Variants in PLEKHH2 observed in about 807,000 individuals in gnomAD.
PLEKHH2 encodes pleckstrin homology domain-containing family H member 2.
A neutral mutation model predicts 187.9 loss-of-function variants in PLEKHH2; 129 were observed. The observed-to-expected ratio is 0.69, with a 90% CI of 0.59 to 0.79. The LOEUF is 0.79. Ranked by LOEUF, PLEKHH2 falls within the 30% of genes least tolerant of loss-of-function variation. The probability of loss-of-function intolerance (pLI) is 0.00; values close to 1 mark genes in which losing one functional copy is unlikely to be tolerated. For missense variants in PLEKHH2, 2,076 were observed against 1,751.2 expected (o/e 1.19, Z -3.31); for synonymous variants, 686 against 605.6 (o/e 1.13, Z -1.95).
chr2:43,691,394 T>C (rs1435600600), intron 3 of PLEKHH2, among the ~76,000 whole-genome samples: 1 of 152,102 alleles, frequency 6.6e-6, no homozygotes, highest in African/African-American at 2.4e-5. Flanking sequence ...GATTGGCTTG[T>C]GAGTAAGCAA....
intron 27 of PLEKHH2, among the ~76,000 whole-genome samples, chr2:43,760,057 T>A (rs1021954389): frequency 6.6e-6 from 1 of 152,202 alleles, no homozygotes; most frequent in African/African-American, 2.4e-5. Context: ...ATTAATGTAC[T>A]TACGGGAAGT....
intron 24 of PLEKHH2, among the ~76,000 whole-genome samples, chr2:43,746,901 C>T (rs4953009): frequency 0.2 from 30,572 of 151,100 alleles, 3,322 homozygotes; most frequent in Admixed American, 0.3. Context: ...ACCCGGGAGG[C>T]GGAGCTTGCA....
intron 3 of PLEKHH2, among the ~76,000 whole-genome samples, chr2:43,685,268 A>T (rs1032727938): frequency 6.6e-6 from 1 of 152,230 alleles, no homozygotes; most frequent in African/African-American, 2.4e-5. Flanking sequence ...GTGCAACTCT[A>T]TAGTTTAGCT....
chr2:43,720,657 A>G lies in PLEKHH2; in HGVS notation c.2461-12A>G. The G allele has an allele frequency of 6.2e-7, 1 of 1,607,090 alleles. No individual in the cohort carries two copies. The highest frequency in any genetic ancestry group is 8.5e-7 in the Non-Finnish European group (1 of 1,177,984). The stretch of plus-strand genomic sequence containing the variant: ...TGGGCTAAACTTGTAATTCATTGAA[A>G]TATGGTTTCAGGTAAAACATGGATA... On this transcript the variant is annotated splice_polypyrimidine_tract_variant and intron_variant, in intron 15 of 29. Transcript: ENST00000282406.
intron 25 of PLEKHH2, among the ~76,000 whole-genome samples, chr2:43,755,724 G>A (rs1178628728): frequency 2.0e-5 from 3 of 152,144 alleles, no homozygotes; most frequent in Non-Finnish European, 4.4e-5. Context: ...GTGGCTGATT[G>A]ATGCCGGCTG....
chr2:43,674,649 C>G (rs1294488435), intron 2 of PLEKHH2, among the ~76,000 whole-genome samples: 1 of 152,130 alleles, frequency 6.6e-6, no homozygotes, highest in Non-Finnish European at 1.5e-5. Flanking sequence ...TATTTGAAAC[C>G]TCTTCCAGAA....
intron 3 of PLEKHH2, chr2:43,681,300 T>C: frequency 1.3e-6 from 1 of 766,608 alleles, no homozygotes; most frequent in Non-Finnish European, 2.1e-6. Context: ...ACTGTAACTC[T>C]GTCTGTGTTG....
intron 15 of PLEKHH2, among the ~76,000 whole-genome samples, 194 bp downstream of exon 15, chr2:43,712,577 T>G (rs544233908): frequency 6.6e-6 from 1 of 152,176 alleles, no homozygotes; most frequent in Non-Finnish European, 1.5e-5. Flanking sequence ...GACTATAATA[T>G]GTAAAAATGT....
intron 8 of PLEKHH2, among the ~76,000 whole-genome samples, chr2:43,701,381 T>A (rs1430614598): frequency 1.3e-5 from 2 of 152,130 alleles, no homozygotes; most frequent in Non-Finnish European, 2.9e-5. Flanking sequence ...CTCTTCCTCT[T>A]GGGGAGGGGA....
intron 9 of PLEKHH2, 77 bp downstream of exon 9, chr2:43,704,133 G>A: frequency 2.0e-6 from 2 of 1,016,854 alleles, no homozygotes; most frequent in Non-Finnish European, 3.0e-6. Flanking sequence ...ACAAATACAT[G>A]GTACAGTCAC....
intron 4 of PLEKHH2, among the ~76,000 whole-genome samples, chr2:43,694,111 G>A (rs138449009): frequency 1.5e-4 from 23 of 152,176 alleles, no homozygotes; most frequent in African/African-American, 4.8e-4. Flanking sequence ...TCTCCCCAAC[G>A]TGGTTGACCC....
In PLEKHH2 at chr2:43,753,653, G is replaced by A; in HGVS notation, c.3688G>A (p.Asp1230Asn). Residue 1230 changes from aspartate (D) to asparagine (N), a missense_variant, in exon 25 of 30, where the codon GAT (aspartate) becomes AAT (asparagine). Physicochemically the swap from Asp to Asn is conservative, Grantham distance 23. Coordinates refer to ENST00000282406, the MANE Select transcript of PLEKHH2 (RefSeq NM_172069.4). ...CTCAGTGCAAGCTCGTGGAGAGACTGATAGAGAAAAGTTGCTGTTAATGTA... is the reference window on the plus strand; with the variant it reads ...CTCAGTGCAAGCTCGTGGAGAGACTAATAGAGAAAAGTTGCTGTTAATGTA... ...YFSVQARGET[D>N]REKLLLMYQT... is the part of the protein sequence containing the mutation. 1 of 1,570,422 alleles carries A rather than the reference G, an allele frequency of 6.4e-7. No individual in the cohort carries two copies. The highest frequency in any genetic ancestry group is 8.6e-7 in the Non-Finnish European group (1 of 1,161,646).
chr2:43,749,930 T>C (rs2104610619), intron 24 of PLEKHH2, among the ~76,000 whole-genome samples: 1 of 152,372 alleles, frequency 6.6e-6, no homozygotes, highest in East Asian at 1.9e-4. Flanking sequence ...TAGATTCAGG[T>C]ATGAAAGATC....
intron 2 of PLEKHH2, among the ~76,000 whole-genome samples, chr2:43,667,162 T>G: frequency 6.6e-6 from 1 of 151,690 alleles, no homozygotes; most frequent in African/African-American, 2.4e-5. Flanking sequence ...AGATAATGGT[T>G]AAAGGAAATG....
At chr2:43,745,170 G>T (rs1209650160) in intron 23 of PLEKHH2, among the ~76,000 whole-genome samples, 5 of 152,046 alleles carry the variant, frequency 3.3e-5, no homozygotes, top group African/African-American at 1.2e-4. Context: ...AAAAAAATTA[G>T]CCAGGCATGG....
chr2:43,699,330 T>G (rs1669240315), intron 7 of PLEKHH2, among the ~76,000 whole-genome samples: 1 of 152,192 alleles, frequency 6.6e-6, no homozygotes, highest in Non-Finnish European at 1.5e-5. Flanking sequence ...AAAAAAGACA[T>G]AAGACTAACA....
intron 1 of PLEKHH2, among the ~76,000 whole-genome samples, chr2:43,638,799 G>A (rs938005837): frequency 1.5e-4 from 18 of 120,486 alleles, no homozygotes; most frequent in African/African-American, 5.9e-4. Flanking sequence ...TAATACAACA[G>A]TTGCTTTGTA....
At chr2:43,648,001 T>G (rs1666265691) in intron 2 of PLEKHH2, among the ~76,000 whole-genome samples, 1 of 152,134 alleles carries the variant, frequency 6.6e-6, no homozygotes, top group Admixed American at 6.6e-5. Flanking sequence ...GTTATTATCC[T>G]CAATCTAGAG....
intron 7 of PLEKHH2, 96 bp from the exon 8 acceptor site, chr2:43,699,551 C>T: frequency 2.1e-6 from 3 of 1,435,226 alleles, no homozygotes; most frequent in Non-Finnish European, 2.8e-6. Context: ...CAAATTTCTA[C>T]AGTGTCAATT....
Sources: allele counts gnomAD v4.1 joint callset (sites outside exome capture counted in the v4.1 genomes callset), GRCh38; gene constraint gnomAD v4.1.1; transcripts MANE v1.5; gene names NCBI Gene and HGNC (gene_info 2026-07-23, HGNC 2026-07-21).